FOXN3: variants seen among roughly 807,000 people sequenced by gnomAD.
The protein encoded by FOXN3 is forkhead box protein N3.
In FOXN3, 7 loss-of-function variants were observed where a neutral mutation model predicts 38.4. That is an observed-to-expected ratio of 0.18 (90% confidence interval 0.10 to 0.34). The LOEUF is 0.34. Among genes scored for constraint, FOXN3 ranks in the 10% least tolerant of loss-of-function variants. The pLI, the probability that FOXN3 is intolerant of heterozygous loss-of-function variation, is 1.00. For synonymous variants in FOXN3, 230 were observed against 242.2 expected, an observed-to-expected ratio of 0.95 and a Z score of 0.47; for missense variants, 456 against 613.4, an observed-to-expected ratio of 0.74 and a Z score of 2.71.
chr14:89,363,962 A>ATATATATATATAT (rs1890011175), intron 2 of FOXN3, among the ~76,000 whole-genome samples: 3 of 15,058 alleles, frequency 2.0e-4, no homozygotes, highest in Admixed American at 1.1e-3. Context: ...ATATATATAT[A>ATATATATATATAT]TATATATATA....
At position 89,161,680 on chromosome 14, in the gene FOXN3, G is replaced by C. The variant is rs1001734858; in HGVS notation, c.*734C>G. Reference sequence around the variant, plus strand: ...AATAGAGAACAGAATTCAATGATTAGCAACATCACTAAAAATTTACCCCAT... The same window carrying C: ...AATAGAGAACAGAATTCAATGATTACCAACATCACTAAAAATTTACCCCAT... On this transcript the variant is annotated 3_prime_UTR_variant, in exon 6 of 6. Coordinates refer to ENST00000557258, the MANE Select transcript of FOXN3 (RefSeq NM_005197.4). The C allele has an allele frequency of 6.6e-6, 1 of 151,594 alleles. No homozygotes were observed. The highest frequency in any genetic ancestry group is 2.4e-5 in the African/African-American group (1 of 41,114). 9.4% of individuals were successfully genotyped at this position (151,594 alleles called of 1,614,324 possible).
intron 3 of FOXN3, among the ~76,000 whole-genome samples, chr14:89,296,127 C>T (rs183788271): frequency 7.1e-4 from 108 of 152,152 alleles, no homozygotes; most frequent in African/African-American, 2.4e-3. Context: ...TAGATAAATA[C>T]ATGCATATTT....
chr14:89,527,513 C>G (rs1055037425), intron 1 of FOXN3, among the ~76,000 whole-genome samples: 1 of 152,084 alleles, frequency 6.6e-6, no homozygotes, highest in African/African-American at 2.4e-5. Context: ...ACCATAAAAA[C>G]TCTCAAAACT....
chr14:89,452,537 C>G (rs1036154948), intron 1 of FOXN3, among the ~76,000 whole-genome samples: 1 of 152,212 alleles, frequency 6.6e-6, no homozygotes, highest in South Asian at 2.1e-4. Flanking sequence ...AATGCGTGCT[C>G]TAAAGCCTGC....
intron 1 of FOXN3, among the ~76,000 whole-genome samples, chr14:89,506,080 A>T (rs1440516745): frequency 1.5e-5 from 2 of 135,700 alleles, no homozygotes; most frequent in African/African-American, 2.9e-5. Flanking sequence ...TGGGGGGGTC[A>T]GCCCCCCGCC....
At chr14:89,485,445 A>G (rs560830230) in intron 1 of FOXN3, among the ~76,000 whole-genome samples, 50 of 152,272 alleles carry the variant, frequency 3.3e-4, no homozygotes, top group Admixed American at 1.0e-3. Context: ...CCCCTTGTGA[A>G]TCACCAGGAA....
At chr14:89,180,915 G>GGCAGAGAACATGCAAGGA in intron 4 of FOXN3, 109 bp from the exon 5 acceptor site, 1 of 694,892 alleles carries the variant, frequency 1.4e-6, no homozygotes, top group Non-Finnish European at 2.4e-6. Flanking sequence ...AGAGACAGAG[G>GGCAGAGAACATGCAAGGA]GCAGAGACAG....
At chr14:89,446,459 G>C (rs1892503233) in intron 1 of FOXN3, among the ~76,000 whole-genome samples, 1 of 152,060 alleles carries the variant, frequency 6.6e-6, no homozygotes, top group Non-Finnish European at 1.5e-5. Context: ...AAAATGCTGA[G>C]ATTACAGGCA....
rs1447255169 is a variant in FOXN3, at chr14:89,161,028, A to C, written c.*1386T>G. The C allele has an allele frequency of 2.0e-5, 3 of 152,250 alleles. No homozygotes were observed. Among genetic ancestry groups the C allele is most frequent in the Admixed American group, 2.0e-4 (3 of 15,292 alleles). 9.4% of individuals were successfully genotyped at this position (152,250 alleles called of 1,614,324 possible). ...AGGCATAGCCTTTTCTCTATTTTCT[A>C]TATTTATATGAAAATAATTCATGCT... On this transcript the variant is annotated 3_prime_UTR_variant, in exon 6 of 6. Transcript: ENST00000557258.
At chr14:89,437,483 G>A (rs755746399) in intron 1 of FOXN3, among the ~76,000 whole-genome samples, 24 of 152,134 alleles carry the variant, frequency 1.6e-4, no homozygotes, top group Non-Finnish European at 2.4e-4. Context: ...TGTCAGAGGC[G>A]TGTGAACCAG....
intron 1 of FOXN3, among the ~76,000 whole-genome samples, chr14:89,505,830 G>C (rs1015009575): frequency 6.6e-6 from 1 of 151,350 alleles, no homozygotes; most frequent in Admixed American, 6.6e-5. Context: ...AGGAAGTGAG[G>C]AGCGTCTCTG....
At chr14:89,169,535 A>AACAC (rs892886955) in intron 5 of FOXN3, among the ~76,000 whole-genome samples, 2 of 137,078 alleles carry the variant, frequency 1.5e-5, no homozygotes, top group Admixed American at 1.5e-4. Flanking sequence ...ACACTCACAA[A>AACAC]ACACACACAC....
At chr14:89,291,110 G>A (rs987523088) in intron 3 of FOXN3, 12 of 514,042 alleles carry the variant, frequency 2.3e-5, no homozygotes, top group Non-Finnish European at 4.3e-5. Context: ...TTAAGACCCT[G>A]TTAGTGTAAA....
chr14:89,230,211 G>A (rs961432002), intron 4 of FOXN3, among the ~76,000 whole-genome samples: 7 of 152,176 alleles, frequency 4.6e-5, no homozygotes, highest in African/African-American at 1.4e-4. Context: ...CTCTATGGAG[G>A]GATAACACAC....
intron 1 of FOXN3, among the ~76,000 whole-genome samples, chr14:89,543,593 G>A (rs1894831856): frequency 6.6e-6 from 1 of 152,248 alleles, no homozygotes; most frequent in Non-Finnish European, 1.5e-5. Flanking sequence ...CCTCCGGCAA[G>A]GTTGCTGGGC....
chr14:89,269,801 C>A (rs1214718394), intron 4 of FOXN3, among the ~76,000 whole-genome samples: 1 of 152,136 alleles, frequency 6.6e-6, no homozygotes, highest in Non-Finnish European at 1.5e-5. Context: ...CCCGACTATG[C>A]TTGTGCAGAA....
At chr14:89,546,844 C>T (rs1335866443) in intron 1 of FOXN3, among the ~76,000 whole-genome samples, 4 of 152,064 alleles carry the variant, frequency 2.6e-5, no homozygotes, top group African/African-American at 9.7e-5. Flanking sequence ...AGTGCAGTGG[C>T]GTGATCCTGG....
chr14:89,452,483 C>G (rs1596279555), intron 1 of FOXN3, among the ~76,000 whole-genome samples: 1 of 152,330 alleles, frequency 6.6e-6, no homozygotes, highest in African/African-American at 2.4e-5. Flanking sequence ...CAGGCTCATT[C>G]TCCCCGGCCA....
At chr14:89,202,715 C>G (rs1434873364) in intron 4 of FOXN3, among the ~76,000 whole-genome samples, 1 of 152,302 alleles carries the variant, frequency 6.6e-6, no homozygotes, top group East Asian at 1.9e-4. Flanking sequence ...TCCCCCATCT[C>G]TCTCGTGCTT....
Sources: allele counts gnomAD v4.1 joint callset (sites outside exome capture counted in the v4.1 genomes callset), GRCh38; gene constraint gnomAD v4.1.1; transcripts MANE v1.5; gene names NCBI Gene and HGNC (gene_info 2026-07-23, HGNC 2026-07-21).